Variants in GPC5 observed in about 807,000 individuals in gnomAD.
GPC5 encodes glypican 5, also known as glypican-5.
In GPC5, 47 loss-of-function variants were observed where a neutral mutation model predicts 53.9. The ratio of observed to expected loss-of-function variants is 0.87; its 90% confidence interval spans 0.69 to 1.11. The LOEUF (loss-of-function observed/expected upper bound fraction) is 1.11. Among genes scored for constraint, GPC5 ranks in the 50% most tolerant of loss-of-function variants. The pLI is 0.00. For missense variants in GPC5, 748 were observed against 713.1 expected (o/e 1.05, Z -0.56); for synonymous variants, 286 against 263.3 (o/e 1.09, Z -0.84).
At chr13:92,004,030 G>A (rs1478348772) in intron 6 of GPC5, among the ~76,000 whole-genome samples, 1 of 152,126 alleles carries the variant, frequency 6.6e-6, no homozygotes, top group East Asian at 1.9e-4. Flanking sequence ...TTTTGAACAA[G>A]AAACTTGATA....
intron 2 of GPC5, among the ~76,000 whole-genome samples, chr13:91,568,557 TA>T (rs2031639027): frequency 2.8e-5 from 4 of 142,894 alleles, no homozygotes; most frequent in African/African-American, 1.1e-4. Flanking sequence ...GTAGAGCTTT[TA>T]TTGAAAAAAA....
chr13:91,974,651 T>C (rs1351306342), intron 6 of GPC5, among the ~76,000 whole-genome samples: 1 of 152,214 alleles, frequency 6.6e-6, no homozygotes, highest in Admixed American at 6.5e-5. Context: ...CATTGCATGC[T>C]CATGGGTAGG....
intron 7 of GPC5, among the ~76,000 whole-genome samples, chr13:92,637,327 GC>G (rs1220699155): frequency 1.3e-5 from 2 of 152,172 alleles, no homozygotes; most frequent in African/African-American, 4.8e-5. Context: ...CACAGAGAGA[GC>G]TTCAGAGATT....
intron 7 of GPC5, among the ~76,000 whole-genome samples, chr13:92,583,600 G>T (rs1180308327): frequency 6.6e-6 from 1 of 152,194 alleles, no homozygotes; most frequent in African/African-American, 2.4e-5. Context: ...AACCCAGCAT[G>T]AGACAGTTGT....
chr13:92,266,229 G>A (rs138063335), intron 7 of GPC5, among the ~76,000 whole-genome samples: 4 of 152,040 alleles, frequency 2.6e-5, no homozygotes, highest in East Asian at 3.9e-4. Context: ...GTTTTTAGCC[G>A]TTTGATTCTA....
intron 5 of GPC5, among the ~76,000 whole-genome samples, chr13:91,842,559 G>A (rs1468095510): frequency 6.7e-6 from 1 of 150,096 alleles, no homozygotes; most frequent in Non-Finnish European, 1.5e-5. Flanking sequence ...AAAATTAGCC[G>A]GGCGTGTTGG....
chr13:92,118,910 C>T (rs1042468078), intron 6 of GPC5, among the ~76,000 whole-genome samples: 1 of 152,038 alleles, frequency 6.6e-6, no homozygotes, highest in Non-Finnish European at 1.5e-5. Flanking sequence ...TCATTGTTTT[C>T]CTAAAAGTAG....
chr13:92,178,451 A>T (rs886612826), intron 7 of GPC5, among the ~76,000 whole-genome samples: 1 of 150,072 alleles, frequency 6.7e-6, no homozygotes, highest in Non-Finnish European at 1.5e-5. Context: ...ATACATATAT[A>T]CCAGCAGTAT....
At chr13:92,464,441 T>C (rs1046354238) in intron 7 of GPC5, among the ~76,000 whole-genome samples, 3 of 152,142 alleles carry the variant, frequency 2.0e-5, no homozygotes, top group Admixed American at 6.5e-5. Context: ...ATAAACTCCA[T>C]ATTTTTTTTG....
At chr13:92,657,890 T>C (rs1366969833) in intron 7 of GPC5, among the ~76,000 whole-genome samples, 2 of 152,170 alleles carry the variant, frequency 1.3e-5, no homozygotes, top group Non-Finnish European at 2.9e-5. Context: ...GTTGAGATCA[T>C]CTGAATTGCT....
At chr13:91,621,059 G>A (rs2033841464) in intron 2 of GPC5, among the ~76,000 whole-genome samples, 1 of 152,036 alleles carries the variant, frequency 6.6e-6, no homozygotes, top group African/African-American at 2.4e-5. Context: ...CAACTGTAAG[G>A]GGGTCCTCTG....
At chr13:92,643,886 A>ACC (rs34070047) in intron 7 of GPC5, among the ~76,000 whole-genome samples, 2 of 151,032 alleles carry the variant, frequency 1.3e-5, no homozygotes, top group Admixed American at 6.6e-5. Flanking sequence ...ATAAAAAAAG[A>ACC]ACACACACAC....
chr13:91,990,195 T>C (rs575928723), intron 6 of GPC5, among the ~76,000 whole-genome samples: 1 of 152,338 alleles, frequency 6.6e-6, no homozygotes, highest in South Asian at 2.1e-4. Context: ...CCACAGGGAC[T>C]ACAAGTTAAA....
At chr13:92,589,111 C>G (rs190100184) in intron 7 of GPC5, among the ~76,000 whole-genome samples, 64 of 152,306 alleles carry the variant, frequency 4.2e-4, no homozygotes, top group African/African-American at 1.5e-3. Context: ...TGTTTCTTGA[C>G]TTTGGTTACC....
At chr13:92,255,302 G>A (rs1440622572) in intron 7 of GPC5, among the ~76,000 whole-genome samples, 4 of 152,024 alleles carry the variant, frequency 2.6e-5, no homozygotes, top group Non-Finnish European at 5.9e-5. Context: ...AACTAGAATG[G>A]GGCATCAAAG....
chr13:92,814,294 C>T (rs1223209029), intron 7 of GPC5, among the ~76,000 whole-genome samples: 1 of 151,802 alleles, frequency 6.6e-6, no homozygotes, highest in Non-Finnish European at 1.5e-5. Flanking sequence ...ATCTTTGTGA[C>T]CTTGGGTTAG....
chr13:92,654,017 C>T (rs1050835855), intron 7 of GPC5, among the ~76,000 whole-genome samples: 4 of 152,180 alleles, frequency 2.6e-5, no homozygotes, highest in Non-Finnish European at 5.9e-5. Context: ...CCACACTATC[C>T]CCCACAAATA....
intron 7 of GPC5, among the ~76,000 whole-genome samples, chr13:92,767,781 A>G (rs1166746976): frequency 6.6e-6 from 1 of 152,168 alleles, no homozygotes; most frequent in Non-Finnish European, 1.5e-5. Flanking sequence ...ATGAATTTTT[A>G]TGTCTATACC....
chr13:92,198,806 A>C (rs1010456338), intron 7 of GPC5, among the ~76,000 whole-genome samples: 1 of 152,210 alleles, frequency 6.6e-6, no homozygotes, highest in Non-Finnish European at 1.5e-5. Context: ...AGAGTAGGTC[A>C]CATCTCTATC....
Sources: allele counts gnomAD v4.1 joint callset (sites outside exome capture counted in the v4.1 genomes callset), GRCh38; gene constraint gnomAD v4.1.1; transcripts MANE v1.5; gene names NCBI Gene and HGNC (gene_info 2026-07-23, HGNC 2026-07-21).